Variants in GPAM observed in about 807,000 individuals in gnomAD.
GPAM encodes the protein glycerol-3-phosphate acyltransferase 1, mitochondrial.
A neutral mutation model predicts 105.0 loss-of-function variants in GPAM; 56 were observed. The observed-to-expected ratio is 0.53, with a 90% CI of 0.43 to 0.67. GPAM has a LOEUF of 0.67. GPAM is among the 30% of genes least tolerant of loss of function. The probability of loss-of-function intolerance (pLI) is 0.00; values close to 1 mark genes in which losing one functional copy is unlikely to be tolerated. For missense variants in GPAM, 855 were observed against 989.8 expected, an observed-to-expected ratio of 0.86 and a Z score of 1.83; for synonymous variants, 368 against 354.4, an observed-to-expected ratio of 1.04 and a Z score of -0.43.
chr10:112,179,890 A>G (rs1847476513), intron 4 of GPAM, among the ~76,000 whole-genome samples: 1 of 152,080 alleles, frequency 6.6e-6, no homozygotes, highest in South Asian at 2.1e-4. Context: ...TATACCTCTC[A>G]CCCACTTGGC....
At chr10:112,225,387 C>T in the GPAM span, among the ~76,000 whole-genome samples, 11,243 of 152,246 alleles carry the variant, frequency 0.074, 463 homozygotes, top group Middle Eastern at 0.12. Flanking sequence ...GGGTTCAAAA[C>T]TTCTGGGTAC....
In GPAM at chr10:112,151,006, T is replaced by G. The variant is rs1224276481; in HGVS notation, c.*2544A>C. 4.1e-6 allele frequency: 4 copies of G among 985,704 alleles called. No homozygotes were observed. The African/African-American group carries it at 5.2e-5, about 13-fold the overall frequency. The allele number at this position is 985,704 out of a possible 1,614,324, so 61.1% of individuals were successfully genotyped here. A position where few individuals can be genotyped will look rare whatever the true frequency, so the allele number is the denominator to read the frequency against. On this transcript the variant is annotated 3_prime_UTR_variant, in exon 22 of 22. Transcript: ENST00000348367. ...ACACATTTCCCACTAGTTTTTGCCTTTGTTTTTCATGCATTTTCAGAGTGC... is the reference window on the plus strand; with the variant it reads ...ACACATTTCCCACTAGTTTTTGCCTGTGTTTTTCATGCATTTTCAGAGTGC...
chr10:112,159,349 T>G (rs1469570110), intron 17 of GPAM, among the ~76,000 whole-genome samples: 1 of 150,906 alleles, frequency 6.6e-6, no homozygotes, highest in Admixed American at 6.6e-5. Flanking sequence ...GCCTCCAAAG[T>G]AGCTGGGACT....
chr10:112,173,170 C>T, intron 7 of GPAM, 104 bp from the exon 8 acceptor site: 1 of 743,870 alleles, frequency 1.3e-6, no homozygotes, highest in South Asian at 1.4e-5. Context: ...TATGGACCTA[C>T]AACCTCAAAG....
At chr10:112,183,414 C>G (rs1212535863) in intron 1 of GPAM, among the ~76,000 whole-genome samples, 1 of 152,234 alleles carries the variant, frequency 6.6e-6, no homozygotes, top group Non-Finnish European at 1.5e-5. Context: ...GGCGCCTCCG[C>G]GCGTGCAGAT....
intron 1 of GPAM, among the ~76,000 whole-genome samples, chr10:112,204,595 T>C (rs1847838838): frequency 6.6e-6 from 1 of 151,894 alleles, no homozygotes; most frequent in African/African-American, 2.4e-5. Context: ...GAAAATCTGA[T>C]GTTTTACAGA....
intron 1 of GPAM, among the ~76,000 whole-genome samples, chr10:112,199,336 T>C (rs1419631599): frequency 6.6e-6 from 1 of 152,106 alleles, no homozygotes; most frequent in Admixed American, 6.5e-5. Context: ...ATATGTGGGA[T>C]ACAGAAATGT....
exon 1 of GPAM, chr10:112,215,361 C>CG (rs1448602612): frequency 2.0e-5 from 3 of 152,348 alleles, no homozygotes; most frequent in Admixed American, 6.5e-5. Context: ...AGAGTCCCCC[C>CG]GCAGCAGCAA....
rs80029816 is a variant in GPAM, at chr10:112,150,104, C to T, written c.*3446G>A. 48 of 983,984 alleles carry T rather than the reference C, an allele frequency of 4.9e-5. No homozygotes were observed. The highest frequency in any genetic ancestry group is 4.5e-4 in the East Asian group (4 of 8,812). The allele number at this position is 983,984 out of a possible 1,614,324, so 61.0% of individuals were successfully genotyped here. A position where few individuals can be genotyped will look rare whatever the true frequency, so the allele number is the denominator to read the frequency against. Reference sequence around the variant, plus strand: ...AGCTCTAGACGTTTAGAAATAAGGTCAAGAATCTCTTTCAAATGCAATCAT... The same window carrying T: ...AGCTCTAGACGTTTAGAAATAAGGTTAAGAATCTCTTTCAAATGCAATCAT... On this transcript the variant is annotated 3_prime_UTR_variant, in exon 22 of 22. Coordinates refer to ENST00000348367, the MANE Select transcript of GPAM (RefSeq NM_001244949.2).
chr10:112,202,583 T>A (rs1847810390), intron 1 of GPAM, among the ~76,000 whole-genome samples: 1 of 152,262 alleles, frequency 6.6e-6, no homozygotes, highest in African/African-American at 2.4e-5. Context: ...TTAATTCAAA[T>A]AATCTATGAC....
intron 1 of GPAM, among the ~76,000 whole-genome samples, chr10:112,207,856 C>T (rs1170246509): frequency 6.6e-6 from 1 of 152,122 alleles, no homozygotes; most frequent in African/African-American, 2.4e-5. Context: ...AGAGAGAAGG[C>T]AACATTGCAA....
the GPAM span, among the ~76,000 whole-genome samples, chr10:112,222,417 C>A: frequency 1.3e-5 from 2 of 152,136 alleles, no homozygotes; most frequent in African/African-American, 4.8e-5. Context: ...CCTATAACAC[C>A]CCTCAATATC....
intron 21 of GPAM, chr10:112,154,303 C>T (rs1188077433): frequency 2.8e-6 from 1 of 351,650 alleles, no homozygotes; most frequent in Non-Finnish European, 5.2e-6. Context: ...AAATCCAAAA[C>T]ATTTCTGGTC....
At chr10:112,160,555 T>C in intron 16 of GPAM, 49 bp downstream of exon 16, 1 of 1,557,372 alleles carries the variant, frequency 6.4e-7, no homozygotes, top group Non-Finnish European at 8.9e-7. Context: ...GTTTTAGGCC[T>C]TTTTATTTTC....
chr10:112,203,797 G>A (rs7070789), intron 1 of GPAM, among the ~76,000 whole-genome samples: 26,686 of 152,074 alleles, frequency 0.18, 3,145 homozygotes, highest in African/African-American at 0.33. Flanking sequence ...ATGATGCTGC[G>A]GTTCAGGAAG....
chr10:112,158,869 C>G (rs970690901), intron 17 of GPAM, among the ~76,000 whole-genome samples: 1 of 152,128 alleles, frequency 6.6e-6, no homozygotes, highest in Non-Finnish European at 1.5e-5. Flanking sequence ...CTTATCTGCC[C>G]TCATCCCTTC....
chr10:112,182,824 TA>T lies in GPAM; in HGVS notation c.-61del, dbSNP rs1370164583. The T allele has an allele frequency of 1.3e-5, 2 of 152,220 alleles. No individual in the cohort carries two copies. Among genetic ancestry groups the T allele is most frequent in the African/African-American group, 4.8e-5 (2 of 41,452 alleles). 9.4% of individuals were successfully genotyped at this position (152,220 alleles called of 1,614,324 possible). On this transcript the variant is annotated 5_prime_UTR_variant, in exon 2 of 22. Transcript: ENST00000348367. ...ATGAAAGTTCTTCTGTTTCATAACATAAAACTTCAGGACTCAGCTATCAGTT... is the reference window on the plus strand; with the variant it reads ...ATGAAAGTTCTTCTGTTTCATAACATAAACTTCAGGACTCAGCTATCAGTT...
rs572586320 is a variant in GPAM, at chr10:112,151,117, T to A, written c.*2433A>T. ...AGTTTCATGTTGTTTAATATTGTTT[T>A]TTTTTTTTAACTTGACCACAGTCTT... On this transcript the variant is annotated 3_prime_UTR_variant, in exon 22 of 22. Coordinates refer to ENST00000348367, the MANE Select transcript of GPAM (RefSeq NM_001244949.2). The A allele has an allele frequency of 1.0e-5, 10 of 984,766 alleles. No individual in the cohort carries two copies. In the South Asian group the frequency reaches 4.7e-4, roughly 46 times the overall value. 61.0% of individuals were successfully genotyped at this position (984,766 alleles called of 1,614,324 possible). A position where few individuals can be genotyped will look rare whatever the true frequency, so the allele number is the denominator to read the frequency against.
chr10:112,206,756 A>G (rs540660747), intron 1 of GPAM, among the ~76,000 whole-genome samples: 1 of 151,636 alleles, frequency 6.6e-6, no homozygotes, highest in Non-Finnish European at 1.5e-5. Flanking sequence ...CCAGCATGGC[A>G]CATGTATACA....
Sources: gnomAD v4.1 joint callset for allele counts (sites outside exome capture counted in the v4.1 genomes callset) on GRCh38, gnomAD v4.1.1 for gene constraint, MANE v1.5 for transcripts, NCBI Gene and HGNC (gene_info 2026-07-23, HGNC 2026-07-21) for gene names.